The following DSCAM variants were observed in gnomAD, a reference collection of about 807,000 sequenced individuals.
The protein encoded by DSCAM is DS cell adhesion molecule.
In DSCAM, 47 loss-of-function variants were observed where a neutral mutation model predicts 217.7. That is an observed-to-expected ratio of 0.22 (90% CI 0.17 to 0.28). DSCAM has a LOEUF of 0.28. Among genes scored for constraint, DSCAM ranks in the 10% least tolerant of loss-of-function variants. The probability of loss-of-function intolerance (pLI) is 1.00; values close to 1 mark genes in which losing one functional copy is unlikely to be tolerated. For missense variants in DSCAM, 2,080 were observed against 2,618.3 expected, an observed-to-expected ratio of 0.79 and a Z score of 4.49; for synonymous variants, 1,056 against 1,015.3, an observed-to-expected ratio of 1.04 and a Z score of -0.76.
chr21:40,516,607 T>C (rs1258416131), intron 3 of DSCAM, among the ~76,000 whole-genome samples: 1 of 152,126 alleles, frequency 6.6e-6, no homozygotes, highest in Non-Finnish European at 1.5e-5. Context: ...CCAATGTACC[T>C]GCAGAATGTG....
intron 11 of DSCAM, among the ~76,000 whole-genome samples, chr21:40,221,105 T>C (rs573165183): frequency 6.6e-6 from 1 of 152,274 alleles, no homozygotes; most frequent in South Asian, 2.1e-4. Flanking sequence ...TGCCTGACTA[T>C]AGTACCTCTG....
chr21:40,142,673 G>A lies in DSCAM; in HGVS notation c.3291C>T (p.Ala1097=). Residue 1097 remains alanine, a synonymous_variant, in exon 18 of 33, where the codon GCC becomes GCT. Transcript: ENST00000400454. ...ATATGCTTTCTGGTGATGTTGCTATGGCTTGGACATTTTCGGGGGGGTAAC... is the reference window on the plus strand; with the variant it reads ...ATATGCTTTCTGGTGATGTTGCTATAGCTTGGACATTTTCGGGGGGGTAAC... The part of the protein sequence containing the change: ...VPSYPPENVQ[A]IATSPESISI... 1.9e-6 allele frequency: 3 copies of A among 1,614,132 alleles called. No homozygotes were observed. Among genetic ancestry groups the A allele is most frequent in the Non-Finnish European group, 2.5e-6 (3 of 1,180,020 alleles).
chr21:40,837,139 G>A (rs1601329859), intron 1 of DSCAM, among the ~76,000 whole-genome samples: 1 of 152,312 alleles, frequency 6.6e-6, no homozygotes, highest in African/African-American at 2.4e-5. Context: ...TGATGTAAGG[G>A]TGGAGGGGAT....
intron 3 of DSCAM, among the ~76,000 whole-genome samples, chr21:40,453,875 T>A (rs964673960): frequency 9.2e-5 from 14 of 152,162 alleles, no homozygotes; most frequent in Admixed American, 6.5e-5. Flanking sequence ...GGCCCTTGAA[T>A]CAGCAAAGGC....
At chr21:40,529,507 G>T (rs1568881093) in intron 3 of DSCAM, among the ~76,000 whole-genome samples, 1 of 152,012 alleles carries the variant, frequency 6.6e-6, no homozygotes, top group Non-Finnish European at 1.5e-5. Flanking sequence ...TTCATAGTTG[G>T]TATGGAGCAG....
At chr21:40,234,987 T>A (rs1365078703) in intron 11 of DSCAM, among the ~76,000 whole-genome samples, 4 of 152,158 alleles carry the variant, frequency 2.6e-5, no homozygotes, top group Non-Finnish European at 5.9e-5. Context: ...AAAATCACTA[T>A]CACTATCAGC....
chr21:40,027,133 T>A (rs2088405827), intron 32 of DSCAM, among the ~76,000 whole-genome samples: 2 of 152,078 alleles, frequency 1.3e-5, no homozygotes, highest in African/African-American at 4.8e-5. Context: ...CCTTCACTTA[T>A]GAAGCTTAGT....
At chr21:40,494,113 C>T (rs373351094) in intron 3 of DSCAM, among the ~76,000 whole-genome samples, 49 of 151,970 alleles carry the variant, frequency 3.2e-4, no homozygotes, top group African/African-American at 1.1e-3. Context: ...CAAAGGAAGA[C>T]AGCAAGAGAG....
At chr21:40,275,512 G>A (rs1338116941) in intron 11 of DSCAM, among the ~76,000 whole-genome samples, 1 of 152,180 alleles carries the variant, frequency 6.6e-6, no homozygotes, top group African/African-American at 2.4e-5. Context: ...TTGGTTGCCA[G>A]TTACCAATGT....
chr21:40,627,047 C>T (rs951431633), intron 3 of DSCAM, among the ~76,000 whole-genome samples: 2 of 152,148 alleles, frequency 1.3e-5, no homozygotes, highest in Non-Finnish European at 2.9e-5. Context: ...TCCAGCTGCC[C>T]CCTCAAGTAA....
chr21:40,485,050 T>C (rs2076013594), intron 3 of DSCAM, among the ~76,000 whole-genome samples: 1 of 152,058 alleles, frequency 6.6e-6, no homozygotes, highest in South Asian at 2.1e-4. Flanking sequence ...ATTATGTTAT[T>C]ATACAGAGGA....
At chr21:40,655,889 C>CA in intron 3 of DSCAM, among the ~76,000 whole-genome samples, 1 of 152,088 alleles carries the variant, frequency 6.6e-6, no homozygotes, top group East Asian at 1.9e-4. Flanking sequence ...CCCATCTCTA[C>CA]GAAAAATACA....
chr21:40,741,415 A>G (rs2091122412), intron 1 of DSCAM, among the ~76,000 whole-genome samples: 1 of 152,152 alleles, frequency 6.6e-6, no homozygotes, highest in South Asian at 2.1e-4. Flanking sequence ...ACTGTTTTCC[A>G]CCTATGCACA....
intron 11 of DSCAM, among the ~76,000 whole-genome samples, chr21:40,197,807 C>T (rs1049488705): frequency 4.6e-5 from 7 of 152,190 alleles, no homozygotes; most frequent in Non-Finnish European, 8.8e-5. Context: ...TTCCATTTAC[C>T]TATAATTACC....
intron 5 of DSCAM, among the ~76,000 whole-genome samples, chr21:40,350,961 G>A (rs2074624546): frequency 7.8e-6 from 1 of 127,748 alleles, no homozygotes; most frequent in African/African-American, 3.0e-5. Flanking sequence ...CAATCATACA[G>A]AGGAGTTTCT....
At chr21:40,804,389 T>A (rs538188396) in intron 1 of DSCAM, among the ~76,000 whole-genome samples, 2 of 152,316 alleles carry the variant, frequency 1.3e-5, no homozygotes, top group African/African-American at 4.8e-5. Context: ...CTGTTCCTCC[T>A]GGACCCTTGT....
At chr21:40,752,263 C>G (rs779321432) in intron 1 of DSCAM, among the ~76,000 whole-genome samples, 1 of 152,186 alleles carries the variant, frequency 6.6e-6, no homozygotes, top group African/African-American at 2.4e-5. Context: ...GTAACCTCTT[C>G]TTTTCTCCAA....
At chr21:40,115,281 G>A (rs1322350500) in intron 20 of DSCAM, among the ~76,000 whole-genome samples, 2 of 152,076 alleles carry the variant, frequency 1.3e-5, no homozygotes, top group Non-Finnish European at 2.9e-5. Flanking sequence ...GGAAGAAGCT[G>A]GAAACCATCA....
At chr21:40,198,365 C>T (rs1043166504) in intron 11 of DSCAM, among the ~76,000 whole-genome samples, 159 of 152,084 alleles carry the variant, frequency 1.0e-3, no homozygotes, top group African/African-American at 3.4e-3. Flanking sequence ...AAGTGCTGAC[C>T]CTCCCTAACT....
Sources: allele counts gnomAD v4.1 joint callset (sites outside exome capture counted in the v4.1 genomes callset), GRCh38; gene constraint gnomAD v4.1.1; transcripts MANE v1.5; gene names NCBI Gene and HGNC (gene_info 2026-07-23, HGNC 2026-07-21).